DOCK1: variants seen among roughly 807,000 people sequenced by gnomAD.
DOCK1 encodes the protein dedicator of cytokinesis 1.
A neutral mutation model predicts 262.7 loss-of-function variants in DOCK1; 138 were observed. The observed-to-expected ratio is 0.53, with a 90% CI of 0.46 to 0.61. The LOEUF (loss-of-function observed/expected upper bound fraction) is 0.61. Among genes scored for constraint, DOCK1 ranks in the 20% least tolerant of loss-of-function variants. DOCK1 has a pLI of 0.00. For missense variants in DOCK1, 1,908 were observed against 2,370.7 expected, an observed-to-expected ratio of 0.80 and a Z score of 4.05; for synonymous variants, 866 against 867.4, an observed-to-expected ratio of 1.00 and a Z score of 0.03.
intron 29 of DOCK1, among the ~76,000 whole-genome samples, chr10:127,261,294 T>C (rs746008409): frequency 9.8e-6 from 1 of 101,908 alleles, no homozygotes; most frequent in South Asian, 3.0e-4. Context: ...TGTGTGCATG[T>C]GGGTGTGTGT....
chr10:126,983,020 C>T (rs2039092039), intron 4 of DOCK1, among the ~76,000 whole-genome samples: 1 of 152,146 alleles, frequency 6.6e-6, no homozygotes, highest in African/African-American at 2.4e-5. Context: ...AAGTGAACAA[C>T]AGGTTATTCT....
At chr10:127,270,229 C>T (rs56069538) in intron 29 of DOCK1, among the ~76,000 whole-genome samples, 3,449 of 152,234 alleles carry the variant, frequency 0.023, 110 homozygotes, top group African/African-American at 0.079. Flanking sequence ...GACTTCCAAA[C>T]GTGTTTGAAC....
chr10:127,250,968 G>A (rs1043457423), intron 28 of DOCK1, among the ~76,000 whole-genome samples: 2 of 151,718 alleles, frequency 1.3e-5, no homozygotes, highest in South Asian at 4.2e-4. Flanking sequence ...CTCTGACAAC[G>A]ATTTTTTTTT....
intron 10 of DOCK1, among the ~76,000 whole-genome samples, chr10:127,008,117 TGGCA>T (rs1448288137): frequency 2.0e-5 from 3 of 152,178 alleles, no homozygotes; most frequent in Non-Finnish European, 4.4e-5. Flanking sequence ...TTTTGTTTTG[TGGCA>T]GGGTCTCACT....
At chr10:127,079,318 T>C (rs919882886) in intron 23 of DOCK1, among the ~76,000 whole-genome samples, 10 of 152,242 alleles carry the variant, frequency 6.6e-5, no homozygotes, top group African/African-American at 2.4e-4. Flanking sequence ...TTTTCTTGTT[T>C]CCATCAAGAA....
chr10:127,278,445 T>C (rs2060825147), intron 29 of DOCK1, among the ~76,000 whole-genome samples: 2 of 152,234 alleles, frequency 1.3e-5, no homozygotes, highest in South Asian at 4.1e-4. Flanking sequence ...AGAACTAGAA[T>C]TCACTGGACC....
At chr10:127,138,231 T>C (rs1373880110) in intron 27 of DOCK1, among the ~76,000 whole-genome samples, 4 of 152,246 alleles carry the variant, frequency 2.6e-5, no homozygotes, top group Non-Finnish European at 5.9e-5. Flanking sequence ...ACTTACTTGC[T>C]TCTGTAGGTG....
At chr10:127,247,370 G>A (rs2059466877) in intron 27 of DOCK1, among the ~76,000 whole-genome samples, 1 of 152,036 alleles carries the variant, frequency 6.6e-6, no homozygotes, top group African/African-American at 2.4e-5. Flanking sequence ...AGGAGAATTG[G>A]GCCATAACTC....
chr10:126,920,212 T>C (rs2033042221), intron 1 of DOCK1, among the ~76,000 whole-genome samples: 1 of 152,262 alleles, frequency 6.6e-6, no homozygotes. Flanking sequence ...TTTGGGGATA[T>C]CACTGTTATT....
chr10:127,158,146 A>C lies in DOCK1; in HGVS notation c.2847+30382A>C, dbSNP rs538039979. 2.0e-5 allele frequency among the ~76,000 whole-genome samples: 3 copies of C among 152,338 alleles called. No homozygotes were observed. The South Asian group carries it at 6.2e-4, about 32-fold the overall frequency. On this transcript the variant is annotated intron_variant, in intron 27 of 51. Coordinates refer to ENST00000623213, the MANE Select transcript of DOCK1 (RefSeq NM_001290223.2). Reference sequence around the variant, plus strand: ...TTCTCCAAATAGAGATGAAACAGATAAGTTATTTCTACAGGACAGGGAACA... The same window carrying C: ...TTCTCCAAATAGAGATGAAACAGATCAGTTATTTCTACAGGACAGGGAACA...
chr10:127,271,594 G>A (rs969645160), intron 29 of DOCK1, among the ~76,000 whole-genome samples: 3 of 152,106 alleles, frequency 2.0e-5, no homozygotes, highest in East Asian at 1.9e-4. Flanking sequence ...TATTTGTCAT[G>A]TGCGATTTTG....
At chr10:127,213,011 C>T (rs996861846) in intron 27 of DOCK1, among the ~76,000 whole-genome samples, 1 of 152,156 alleles carries the variant, frequency 6.6e-6, no homozygotes, top group African/African-American at 2.4e-5. Flanking sequence ...GCTAATTAAT[C>T]ATTCTTCTCC....
intron 1 of DOCK1, among the ~76,000 whole-genome samples, chr10:126,955,806 CCA>C (rs1351046956): frequency 6.6e-6 from 1 of 152,190 alleles, no homozygotes; most frequent in East Asian, 1.9e-4. Context: ...GGGCGGCTTA[CCA>C]CACACTTTTT....
chr10:127,168,078 G>A (rs566839324), intron 27 of DOCK1, among the ~76,000 whole-genome samples: 1 of 152,280 alleles, frequency 6.6e-6, no homozygotes, highest in South Asian at 2.1e-4. Flanking sequence ...GAGAAAAGCT[G>A]AGGTCCAGAG....
At chr10:126,963,888 A>G (rs2037470136) in intron 1 of DOCK1, among the ~76,000 whole-genome samples, 1 of 152,084 alleles carries the variant, frequency 6.6e-6, no homozygotes, top group Non-Finnish European at 1.5e-5. Flanking sequence ...ATTTGCCCCC[A>G]GACAAAAGCA....
At chr10:127,144,405 C>T (rs1157115771) in intron 27 of DOCK1, among the ~76,000 whole-genome samples, 1 of 152,162 alleles carries the variant, frequency 6.6e-6, no homozygotes, top group Non-Finnish European at 1.5e-5. Flanking sequence ...TAGCTGTCTT[C>T]CCCCAGGTCT....
At chr10:126,923,067 C>G (rs1380597252) in intron 1 of DOCK1, among the ~76,000 whole-genome samples, 1 of 151,990 alleles carries the variant, frequency 6.6e-6, no homozygotes, top group African/African-American at 2.4e-5. Flanking sequence ...CGAGATTGTG[C>G]CATTGCACTC....
intron 29 of DOCK1, among the ~76,000 whole-genome samples, chr10:127,273,878 C>CAAA (rs5788832): frequency 2.9e-5 from 4 of 136,836 alleles, no homozygotes; most frequent in Admixed American, 1.5e-4. Context: ...GAGACTGTCT[C>CAAA]AAAAAAAAAA....
chr10:126,963,616 T>TTCCCTTCCCTTCCCG (rs2037410888), intron 1 of DOCK1, among the ~76,000 whole-genome samples: 1 of 58,362 alleles, frequency 1.7e-5, no homozygotes, highest in Non-Finnish European at 2.8e-5. Context: ...TTCCCTTCCC[T>TTCCCTTCCCTTCCCG]TCCCTTCCCT....
Sources: allele counts gnomAD v4.1 joint callset (sites outside exome capture counted in the v4.1 genomes callset), GRCh38; gene constraint gnomAD v4.1.1; transcripts MANE v1.5; gene names NCBI Gene and HGNC (gene_info 2026-07-23, HGNC 2026-07-21).